FHOD3: variants seen among roughly 807,000 people sequenced by gnomAD.
The protein encoded by FHOD3 is FH1/FH2 domain-containing protein 3.
A neutral mutation model predicts 173.0 loss-of-function variants in FHOD3; 90 were observed. That is an observed-to-expected ratio of 0.52 (90% CI 0.44 to 0.62). FHOD3 has a LOEUF of 0.62. FHOD3 is among the 20% of genes least tolerant of loss of function. The probability of loss-of-function intolerance (pLI) is 0.00; values close to 1 mark genes in which losing one functional copy is unlikely to be tolerated. For missense variants in FHOD3, 1,945 were observed against 2,034.7 expected (o/e 0.96, Z 0.85); for synonymous variants, 828 against 823.0 (o/e 1.01, Z -0.10).
intron 3 of FHOD3, among the ~76,000 whole-genome samples, chr18:36,471,968 C>T (rs2053311242): frequency 6.6e-6 from 1 of 152,142 alleles, no homozygotes; most frequent in Admixed American, 6.5e-5. Flanking sequence ...TTATTTCCAA[C>T]CATTTTAGTT....
intron 28 of FHOD3, among the ~76,000 whole-genome samples, chr18:36,772,041 A>G (rs1323114251): frequency 6.6e-6 from 1 of 152,234 alleles, no homozygotes; most frequent in Non-Finnish European, 1.5e-5. Context: ...TTCCTCTTCA[A>G]TCTGGCCAGA....
At chr18:36,737,955 C>T (rs9955125) in intron 20 of FHOD3, among the ~76,000 whole-genome samples, 1 of 152,156 alleles carries the variant, frequency 6.6e-6, no homozygotes, top group Non-Finnish European at 1.5e-5. Context: ...AAAACAGTCC[C>T]ATCTTCCAAC....
intron 15 of FHOD3, among the ~76,000 whole-genome samples, chr18:36,686,092 C>T (rs878893809): frequency 1.3e-5 from 2 of 151,950 alleles, no homozygotes; most frequent in Non-Finnish European, 2.9e-5. Context: ...CCCAGCAATC[C>T]GATTACTGGG....
At chr18:36,726,241 A>T (rs2041061816) in intron 19 of FHOD3, among the ~76,000 whole-genome samples, 1 of 152,016 alleles carries the variant, frequency 6.6e-6, no homozygotes, top group Non-Finnish European at 1.5e-5. Flanking sequence ...TTATCCAGGA[A>T]CATGAGGTTT....
chr18:36,744,191 A>G lies in FHOD3; in HGVS notation c.4039A>G (p.Lys1347Glu). Residue 1347 changes from lysine (K) to glutamate (E), a missense_variant and splice_region_variant, in exon 23 of 29, where the codon AAG becomes GAG. Transcript: ENST00000590592. ...SEIGAITRSAKVDFDQLQDNL... is the reference protein window; with the variant it reads ...SEIGAITRSAEVDFDQLQDNL... ...GATCGGGGCCATCACCAGGTCAGCC[A>G]AGGTATGTCTGTGGACGCTGAGGAG... 6.2e-7 allele frequency: 1 copy of G among 1,612,312 alleles called. No homozygotes were observed. Among genetic ancestry groups the G allele is most frequent in the Non-Finnish European group, 8.5e-7 (1 of 1,178,918 alleles).
chr18:36,399,868 T>G (rs1270947763), intron 3 of FHOD3, among the ~76,000 whole-genome samples: 4 of 152,164 alleles, frequency 2.6e-5, no homozygotes, highest in Non-Finnish European at 4.4e-5. Flanking sequence ...GAGGACAGTT[T>G]TGAGTTTAGA....
intron 5 of FHOD3, among the ~76,000 whole-genome samples, chr18:36,527,034 C>A (rs1471870013): frequency 6.6e-6 from 1 of 152,114 alleles, no homozygotes; most frequent in Non-Finnish European, 1.5e-5. Context: ...GTCAGTTTTC[C>A]CACCTTCTTG....
At chr18:36,678,889 A>C (rs967253328) in intron 14 of FHOD3, among the ~76,000 whole-genome samples, 3 of 152,122 alleles carry the variant, frequency 2.0e-5, no homozygotes, top group Non-Finnish European at 4.4e-5. Flanking sequence ...CCGTCTTCAC[A>C]CTGTTCTTAT....
rs181689498 is a variant in FHOD3 at position 36,662,199 on chromosome 18, T to C, written c.1835+4011T>C. Among the ~76,000 whole-genome samples the C allele has an allele frequency of 2.0e-5, 3 of 152,332 alleles. No homozygotes were observed. In the East Asian group the frequency reaches 5.8e-4, roughly 29 times the overall value. The stretch of plus-strand genomic sequence containing the variant: ...TCCCTGTAGTGACATCTCCATCTTG[T>C]GGACTTTCTCATCAATGGCGGCTGG... On this transcript the variant is annotated intron_variant, in intron 14 of 28. Coordinates refer to ENST00000590592, the MANE Select transcript of FHOD3 (RefSeq NM_001281740.3).
chr18:36,343,803 T>TA (rs765324815), intron 1 of FHOD3, among the ~76,000 whole-genome samples: 6 of 152,212 alleles, frequency 3.9e-5, no homozygotes, highest in Non-Finnish European at 5.9e-5. Flanking sequence ...TATTCCTTTA[T>TA]AACAACACAA....
chr18:36,540,101 G>T (rs959493527), intron 5 of FHOD3, among the ~76,000 whole-genome samples: 1 of 152,166 alleles, frequency 6.6e-6, no homozygotes, highest in African/African-American at 2.4e-5. Context: ...GCAGGCGTGG[G>T]GTGGAGGTGA....
At chr18:36,638,902 C>A (rs7228089) in intron 10 of FHOD3, among the ~76,000 whole-genome samples, 22,579 of 152,210 alleles carry the variant, frequency 0.15, 1,882 homozygotes, top group African/African-American at 0.21. Context: ...GTGAAAAACA[C>A]ACATGAGATT....
chr18:36,303,719 C>T (rs1374500970), intron 1 of FHOD3, among the ~76,000 whole-genome samples: 2 of 152,138 alleles, frequency 1.3e-5, no homozygotes, highest in African/African-American at 2.4e-5. Context: ...TCACCTGCTC[C>T]AGGCAACCTC....
intron 20 of FHOD3, 126 bp from the exon 21 acceptor site, chr18:36,740,530 A>T: frequency 1.0e-6 from 1 of 976,258 alleles, no homozygotes; most frequent in Non-Finnish European, 1.5e-6. Context: ...GGTTTATGAC[A>T]ATATAACACC....
chr18:36,363,390 A>G (rs1353867642), intron 2 of FHOD3, among the ~76,000 whole-genome samples: 1 of 152,246 alleles, frequency 6.6e-6, no homozygotes, highest in African/African-American at 2.4e-5. Flanking sequence ...TTTGGAAACA[A>G]GATGTCCTTC....
At chr18:36,753,528 G>T (rs552428964) in intron 24 of FHOD3, among the ~76,000 whole-genome samples, 4 of 152,228 alleles carry the variant, frequency 2.6e-5, no homozygotes, top group South Asian at 2.1e-4. Context: ...GAACTTTTGT[G>T]TAGAAGGTTT....
chr18:36,554,428 T>C (rs556261800), intron 5 of FHOD3, among the ~76,000 whole-genome samples: 3 of 143,020 alleles, frequency 2.1e-5, no homozygotes, highest in African/African-American at 5.2e-5. Flanking sequence ...TAGATGGGAA[T>C]TGAACAATGA....
intron 10 of FHOD3, among the ~76,000 whole-genome samples, chr18:36,634,410 C>T (rs2034730519): frequency 6.6e-6 from 1 of 152,096 alleles, no homozygotes; most frequent in African/African-American, 2.4e-5. Context: ...AGCACAGCTT[C>T]CCATGCCTTG....
intron 22 of FHOD3, among the ~76,000 whole-genome samples, chr18:36,743,108 A>G (rs995569770): frequency 6.3e-3 from 1 of 160 alleles, no homozygotes; most frequent in African/African-American, 0.031. Flanking sequence ...CAGGAGATCG[A>G]GCCATCCTGG....
Sources: gnomAD v4.1 joint callset for allele counts (sites outside exome capture counted in the v4.1 genomes callset) on GRCh38, gnomAD v4.1.1 for gene constraint, MANE v1.5 for transcripts, NCBI Gene and HGNC (gene_info 2026-07-23, HGNC 2026-07-21) for gene names.